Variants in AGBL1 observed in about 807,000 individuals in gnomAD.
The protein encoded by AGBL1 is cytosolic carboxypeptidase 4.
In AGBL1, 130 loss-of-function variants were observed where a neutral mutation model predicts 118.9. The observed-to-expected ratio is 1.09, with a 90% CI of 0.95 to 1.26. The LOEUF is 1.26. Ranked by LOEUF, AGBL1 falls within the 50% of genes most tolerant of loss-of-function variation. The probability of loss-of-function intolerance (pLI) is 0.00; values close to 1 mark genes in which losing one functional copy is unlikely to be tolerated. For missense variants in AGBL1, 1,584 were observed against 1,298.1 expected (o/e 1.22, Z -3.38); for synonymous variants, 555 against 478.9 (o/e 1.16, Z -2.08).
chr15:86,776,385 C>T (rs774124840), intron 22 of AGBL1, among the ~76,000 whole-genome samples: 6 of 151,992 alleles, frequency 3.9e-5, no homozygotes, highest in Non-Finnish European at 7.4e-5. Flanking sequence ...GTTGCTTTTA[C>T]CTTCATTTTC....
intron 18 of AGBL1, among the ~76,000 whole-genome samples, chr15:86,512,738 T>G (rs888271765): frequency 6.6e-6 from 1 of 151,866 alleles, no homozygotes; most frequent in Admixed American, 6.6e-5. Flanking sequence ...TTTTCTACCC[T>G]TCTACAGAAT....
chr15:86,727,065 A>T (rs1215801068), intron 22 of AGBL1, among the ~76,000 whole-genome samples: 2 of 152,236 alleles, frequency 1.3e-5, no homozygotes, highest in African/African-American at 4.8e-5. Context: ...ACTGTGTTGT[A>T]TCAAGGAAAT....
intron 22 of AGBL1, among the ~76,000 whole-genome samples, chr15:86,697,989 C>T (rs1349515006): frequency 6.6e-6 from 1 of 151,962 alleles, no homozygotes; most frequent in Non-Finnish European, 1.5e-5. Context: ...TATGAATTTT[C>T]TTAGCTTTCC....
chr15:86,841,999 C>A (rs2079252652), intron 22 of AGBL1, among the ~76,000 whole-genome samples: 1 of 152,072 alleles, frequency 6.6e-6, no homozygotes, highest in Admixed American at 6.5e-5. Flanking sequence ...CAGAGTCTGG[C>A]TCATATTAGA....
chr15:86,878,566 T>C (rs1032790907), intron 22 of AGBL1, among the ~76,000 whole-genome samples: 2 of 152,148 alleles, frequency 1.3e-5, no homozygotes, highest in African/African-American at 4.8e-5. Context: ...TCTCTGCTCC[T>C]TTCTTTGTTT....
intron 18 of AGBL1, among the ~76,000 whole-genome samples, chr15:86,480,823 A>G (rs2082641223): frequency 6.6e-6 from 1 of 152,038 alleles, no homozygotes; most frequent in Non-Finnish European, 1.5e-5. Flanking sequence ...AGCATGAAGA[A>G]AGCACATAAG....
chr15:86,256,468 T>C (rs1051905252), intron 7 of AGBL1, among the ~76,000 whole-genome samples: 1 of 152,190 alleles, frequency 6.6e-6, no homozygotes, highest in Non-Finnish European at 1.5e-5. Context: ...ACGTAGGCAA[T>C]AATTCACAGT....
At chr15:86,402,847 A>G (rs764533463) in intron 18 of AGBL1, among the ~76,000 whole-genome samples, 26 of 152,120 alleles carry the variant, frequency 1.7e-4, no homozygotes, top group Non-Finnish European at 3.7e-4. Flanking sequence ...ATGTCTGAAC[A>G]GGGAAAGAAA....
rs1567119056 is a variant in AGBL1 at position 86,196,871 on chromosome 15, GCGCGCGCGCACACACACA to G, written c.489-28041_489-28024del. On this transcript the variant is annotated intron_variant, in intron 5 of 22. Transcript: ENST00000614907. The stretch of plus-strand genomic sequence containing the variant: ...TGCATATGCGAATGTGCACATGTGC[GCGCGCGCGCACACACACA>G]CACACACACACACACACACACACAC... Among the ~76,000 whole-genome samples the G allele has an allele frequency of 9.0e-3, 895 of 99,622 alleles. 11 individuals are homozygous for G. The highest frequency in any genetic ancestry group is 0.035 in the African/African-American group (817 of 23,322). 65.4% of individuals were successfully genotyped at this position (99,622 alleles called of 152,430 possible).
chr15:87,018,831 C>G (rs537100944), intron 24 of AGBL1, among the ~76,000 whole-genome samples: 1 of 152,088 alleles, frequency 6.6e-6, no homozygotes, highest in African/African-American at 2.4e-5. Context: ...GAATCTCAAG[C>G]TGGATAATGA....
chr15:86,897,581 A>T (rs28736501), intron 22 of AGBL1, among the ~76,000 whole-genome samples: 19,335 of 151,046 alleles, frequency 0.13, 2,228 homozygotes, highest in African/African-American at 0.31. Flanking sequence ...CATTTTTCTT[A>T]TTCCTTGGAT....
At chr15:86,104,599 C>T (rs1896926754) in intron 1 of AGBL1, among the ~76,000 whole-genome samples, 3 of 152,136 alleles carry the variant, frequency 2.0e-5, no homozygotes, top group Admixed American at 2.0e-4. Flanking sequence ...CTGGGAGTGG[C>T]AGGCTTGTTG....
intron 16 of AGBL1, among the ~76,000 whole-genome samples, chr15:86,287,183 C>A (rs1022840873): frequency 4.6e-5 from 7 of 152,062 alleles, no homozygotes; most frequent in Non-Finnish European, 1.0e-4. Flanking sequence ...AGGCCATTTG[C>A]CCATTTTTAT....
At chr15:86,672,044 C>T (rs1343417510) in intron 21 of AGBL1, among the ~76,000 whole-genome samples, 2 of 152,084 alleles carry the variant, frequency 1.3e-5, no homozygotes, top group East Asian at 1.9e-4. Context: ...TGTACTCCAG[C>T]TTGGGTGACA....
intron 21 of AGBL1, among the ~76,000 whole-genome samples, chr15:86,572,228 C>T (rs1197374325): frequency 6.6e-6 from 1 of 152,170 alleles, no homozygotes; most frequent in Admixed American, 6.5e-5. Context: ...ACAGAGATGC[C>T]CGGGTCCTGA....
chr15:86,771,892 C>T lies in AGBL1; in HGVS notation c.3158+97456C>T, dbSNP rs1462872877. ...GCTGGATGGGGAAGTTGCCAGTAGGCAGGCAGAGTCATTAAGGGAAATGGG... is the reference window on the plus strand; with the variant it reads ...GCTGGATGGGGAAGTTGCCAGTAGGTAGGCAGAGTCATTAAGGGAAATGGG... On this transcript the variant is annotated intron_variant, in intron 22 of 22. Transcript: ENST00000614907. Among the ~76,000 whole-genome samples the T allele has an allele frequency of 3.3e-5, 5 of 151,930 alleles. No homozygotes were observed. In the East Asian group the frequency reaches 9.7e-4, roughly 30 times the overall value.
At chr15:86,342,543 C>G (rs999500374) in intron 17 of AGBL1, among the ~76,000 whole-genome samples, 1 of 151,994 alleles carries the variant, frequency 6.6e-6, no homozygotes, top group Non-Finnish European at 1.5e-5. Flanking sequence ...ATGTGGATGC[C>G]TGCTGTTTAT....
At chr15:86,928,352 G>C (rs2141631080) in intron 23 of AGBL1, among the ~76,000 whole-genome samples, 1 of 152,294 alleles carries the variant, frequency 6.6e-6, no homozygotes, top group East Asian at 1.9e-4. Context: ...GGACCAGGGA[G>C]GACCTGGCCT....
intron 1 of AGBL1, among the ~76,000 whole-genome samples, chr15:86,102,842 G>A (rs1344796197): frequency 6.6e-6 from 1 of 152,102 alleles, no homozygotes; most frequent in Non-Finnish European, 1.5e-5. Flanking sequence ...ACTAGAGTTA[G>A]GGATTTTTCA....
Sources: gnomAD v4.1 joint callset for allele counts (sites outside exome capture counted in the v4.1 genomes callset) on GRCh38, gnomAD v4.1.1 for gene constraint, MANE v1.5 for transcripts, NCBI Gene and HGNC (gene_info 2026-07-23, HGNC 2026-07-21) for gene names.